The following RMDN2 variants were observed in gnomAD, a reference collection of about 807,000 sequenced individuals.
RMDN2 encodes the protein regulator of microtubule dynamics protein 2.
A neutral mutation model predicts 52.8 loss-of-function variants in RMDN2; 61 were observed. The ratio of observed to expected loss-of-function variants is 1.16; its 90% CI spans 0.94 to 1.43. The LOEUF (loss-of-function observed/expected upper bound fraction) is 1.43. Among genes scored for constraint, RMDN2 ranks in the 40% most tolerant of loss-of-function variants. The pLI is 0.00. For missense variants in RMDN2, 592 were observed against 475.3 expected (o/e 1.25, Z -2.28); for synonymous variants, 180 against 153.1 (o/e 1.18, Z -1.30).
At chr2:38,048,369 G>A (rs554588149) in intron 10 of RMDN2, among the ~76,000 whole-genome samples, 2 of 152,172 alleles carry the variant, frequency 1.3e-5, no homozygotes, top group African/African-American at 4.8e-5. Flanking sequence ...TATTTCTTGG[G>A]CAGGACTTTA....
chr2:37,954,683 C>T (rs377379600), intron 2 of RMDN2, among the ~76,000 whole-genome samples: 3 of 151,978 alleles, frequency 2.0e-5, no homozygotes, highest in East Asian at 3.8e-4. Context: ...TTGGCCATTT[C>T]GGGTGTCTTG....
intron 10 of RMDN2, among the ~76,000 whole-genome samples, chr2:38,048,209 C>G (rs1448285850): frequency 6.6e-6 from 1 of 152,340 alleles, no homozygotes; most frequent in East Asian, 1.9e-4. Flanking sequence ...TCTGTATGTG[C>G]TACATTTTCT....
intron 10 of RMDN2, among the ~76,000 whole-genome samples, chr2:38,053,610 A>G (rs1681722832): frequency 1.3e-5 from 2 of 152,256 alleles, no homozygotes. Context: ...TAATTCCAAT[A>G]GTAACTCAAT....
intron 5 of RMDN2, among the ~76,000 whole-genome samples, chr2:37,986,133 C>A (rs1673981453): frequency 2.6e-5 from 4 of 151,878 alleles, no homozygotes; most frequent in Admixed American, 2.0e-4. Flanking sequence ...ATGCCCATGA[C>A]AAAAATAGAG....
intron 8 of RMDN2, among the ~76,000 whole-genome samples, chr2:37,998,940 T>C (rs1016439569): frequency 6.6e-6 from 1 of 152,210 alleles, no homozygotes. Context: ...TGAAAATTAG[T>C]TCCCTCTTTT....
Position 38,066,767 on chromosome 2 carries a change from A to G in RMDN2, c.1714-215A>G. 6 of 548,630 alleles carry G rather than the reference A, an allele frequency of 1.1e-5. No homozygotes were observed. The South Asian group carries it at 1.4e-4, about 13-fold the overall frequency. 34.0% of individuals were successfully genotyped at this position (548,630 alleles called of 1,614,324 possible). A position where few individuals can be genotyped will look rare whatever the true frequency, so the allele number is the denominator to read the frequency against. On this transcript the variant is annotated intron_variant, in intron 10 of 10. Coordinates refer to the RMDN2 transcript ENST00000234195. ...AACTGGCCCCAATTATAATTATTTA[A>G]AGGAATATTTTTCCCATGAAAATAT...
At chr2:37,985,667 A>G (rs932302719) in intron 5 of RMDN2, among the ~76,000 whole-genome samples, 14 of 152,162 alleles carry the variant, frequency 9.2e-5, no homozygotes, top group African/African-American at 3.4e-4. Context: ...GTATGCTTGT[A>G]AAAGTTACAG....
At position 37,952,147 on chromosome 2, in the gene RMDN2, C is replaced by T. The variant is rs773071911; in HGVS notation, c.453-21893C>T. 4 of 1,612,944 alleles carry T rather than the reference C, an allele frequency of 2.5e-6. No homozygotes were observed. The highest frequency in any genetic ancestry group is 1.1e-5 in the South Asian group (1 of 91,032). ...GGCCTGTTTGAAGATGAAGACTTTG[C>T]TGTCTTGTTTCAAGATGAAGACAGA... On this transcript the variant is annotated intron_variant, in intron 2 of 10. Coordinates refer to ENST00000354545, the MANE Select transcript of RMDN2 (RefSeq NM_001170791.3).
chr2:37,982,885 CTG>C (rs1673509614), intron 5 of RMDN2, among the ~76,000 whole-genome samples: 1 of 152,076 alleles, frequency 6.6e-6, no homozygotes, highest in Non-Finnish European at 1.5e-5. Context: ...TTAGTAGTAA[CTG>C]TAATGAATTT....
In RMDN2 at chr2:38,013,931, G is replaced by A. The variant is rs192057234; in HGVS notation, c.1180-3255G>A. On this transcript the variant is annotated intron_variant, in intron 10 of 10. Coordinates refer to ENST00000354545, the MANE Select transcript of RMDN2 (RefSeq NM_001170791.3). ...TTTAGAAAATTAATAAGGCAGCCGGGCGTCGTGGCTCACGCCTGTAATCCC... is the reference window on the plus strand; with the variant it reads ...TTTAGAAAATTAATAAGGCAGCCGGACGTCGTGGCTCACGCCTGTAATCCC... Among the ~76,000 whole-genome samples, 7 of 152,352 alleles carry A rather than the reference G, an allele frequency of 4.6e-5. No individual in the cohort carries two copies. In the South Asian group the frequency reaches 1.0e-3, roughly 23 times the overall value.
At chr2:37,934,003 T>C (rs1667084056) in intron 2 of RMDN2, among the ~76,000 whole-genome samples, 1 of 152,192 alleles carries the variant, frequency 6.6e-6, no homozygotes, top group Non-Finnish European at 1.5e-5. Context: ...CATCCCCTCT[T>C]TCCCATTTTT....
chr2:38,013,664 G>C (rs1678319226), intron 10 of RMDN2, among the ~76,000 whole-genome samples: 1 of 152,154 alleles, frequency 6.6e-6, no homozygotes, highest in African/African-American at 2.4e-5. Context: ...ATTTGATTAT[G>C]ATATCTTGAA....
chr2:37,937,515 C>T (rs1199824699), intron 2 of RMDN2, among the ~76,000 whole-genome samples: 2 of 152,162 alleles, frequency 1.3e-5, no homozygotes, highest in African/African-American at 4.8e-5. Flanking sequence ...AATATTGATT[C>T]TTCCTATCCA....
chr2:38,020,148 A>T (rs938009764), downstream of RMDN2, among the ~76,000 whole-genome samples: 1 of 152,072 alleles, frequency 6.6e-6, no homozygotes, highest in Non-Finnish European at 1.5e-5. Context: ...TGGTTTCAGG[A>T]TGATTCAAGT....
At chr2:37,985,591 G>C (rs904516468) in intron 5 of RMDN2, among the ~76,000 whole-genome samples, 1 of 152,128 alleles carries the variant, frequency 6.6e-6, no homozygotes, top group Non-Finnish European at 1.5e-5. Context: ...GGTGATTCTA[G>C]GGCCAGGTCT....
rs908317197 is a variant in RMDN2, at chr2:37,954,686, G to A, written c.453-19354G>A. Among the ~76,000 whole-genome samples, 6 of 152,110 alleles carry A rather than the reference G, an allele frequency of 3.9e-5. No individual in the cohort carries two copies. The South Asian group carries it at 1.0e-3, about 26-fold the overall frequency. On this transcript the variant is annotated intron_variant, in intron 2 of 10. Transcript: ENST00000354545. The stretch of plus-strand genomic sequence containing the variant: ...TTCAAGATTATTTTGGCCATTTCGG[G>A]TGTCTTGGAATTCCAAATGAATTTC...
intron 10 of RMDN2, among the ~76,000 whole-genome samples, chr2:38,010,804 A>T (rs1202138613): frequency 6.6e-6 from 1 of 152,132 alleles, no homozygotes; most frequent in African/African-American, 2.4e-5. Context: ...TGCATCACTC[A>T]CGCTCGGAGC....
intron 2 of RMDN2, among the ~76,000 whole-genome samples, chr2:37,973,592 T>A (rs886700752): frequency 1.3e-5 from 2 of 151,962 alleles, no homozygotes; most frequent in Non-Finnish European, 2.9e-5. Context: ...TGAGGGAGGT[T>A]AGAGATGAAG....
intron 2 of RMDN2, among the ~76,000 whole-genome samples, chr2:37,940,377 G>A (rs553414388): frequency 3.3e-5 from 5 of 152,140 alleles, no homozygotes; most frequent in South Asian, 4.2e-4. Context: ...TTCCCTTCTC[G>A]AGGAGTAGCT....
Sources: allele counts gnomAD v4.1 joint callset (sites outside exome capture counted in the v4.1 genomes callset), GRCh38; gene constraint gnomAD v4.1.1; transcripts MANE v1.5; gene names NCBI Gene and HGNC (gene_info 2026-07-23, HGNC 2026-07-21).